FLRT1: variants seen among roughly 807,000 people sequenced by gnomAD.
The protein encoded by FLRT1 is leucine-rich repeat transmembrane protein FLRT1.
A neutral mutation model predicts 30.9 loss-of-function variants in FLRT1; 14 were observed. The observed-to-expected ratio is 0.45, with a 90% confidence interval of 0.30 to 0.71. The LOEUF is 0.71. FLRT1 is among the 30% of genes least tolerant of loss of function. The probability of loss-of-function intolerance (pLI) is 0.08; values close to 1 mark genes in which losing one functional copy is unlikely to be tolerated. For missense variants in FLRT1, 737 were observed against 949.2 expected, an observed-to-expected ratio of 0.78 and a Z score of 2.94; for synonymous variants, 368 against 430.4, an observed-to-expected ratio of 0.85 and a Z score of 1.80.
rs539777849 is a variant in FLRT1, at chr11:64,118,945, T to C, written c.*653T>C. The C allele has an allele frequency of 6.0e-6, 1 of 166,806 alleles. No individual in the cohort carries two copies. The highest frequency in any genetic ancestry group is 6.6e-5 in the Admixed American group (1 of 15,262). The allele number at this position is 166,806 out of a possible 1,614,324, so 10.3% of individuals were successfully genotyped here. On this transcript the variant is annotated 3_prime_UTR_variant, in exon 3 of 3. Transcript: ENST00000682287. ...AGTCGATTAAAAAAAAAAAACAAAC[T>C]TTTTTTTCCTAGGCTGAAGCCCTCT... is the stretch of plus-strand genomic sequence containing the variant.
chr11:64,114,668 T>C (rs537836973), intron 2 of FLRT1, among the ~76,000 whole-genome samples: 5 of 151,450 alleles, frequency 3.3e-5, no homozygotes, highest in Admixed American at 1.3e-4. Context: ...GACAGGTGGA[T>C]AGATGGATGG....
At chr11:64,074,609 T>C (rs544109465) in intron 1 of FLRT1, among the ~76,000 whole-genome samples, 2 of 152,276 alleles carry the variant, frequency 1.3e-5, no homozygotes, top group African/African-American at 4.8e-5. Context: ...CCTTCTCCCA[T>C]TGCTGAACTG....
At position 64,095,420 on chromosome 11, in the gene FLRT1, G is replaced by T. The variant is rs963130270; in HGVS notation, c.-1037-7774G>T. Among the ~76,000 whole-genome samples, 13 of 152,306 alleles carry T rather than the reference G, an allele frequency of 8.5e-5. No homozygotes were observed. The East Asian group carries it at 2.5e-3, about 29-fold the overall frequency. ...TCTCGGCCAGAGAGAGCATGTTTAT[G>T]GGAAGGAGGGAAAGGGTGGGAGATT... On this transcript the variant is annotated intron_variant, in intron 1 of 2. Transcript: ENST00000682287.
At position 64,063,757 on chromosome 11, in the gene FLRT1, C is replaced by T. The variant is rs188752062; in HGVS notation, c.-1038+27598C>T. 3.3e-5 allele frequency among the ~76,000 whole-genome samples: 5 copies of T among 152,296 alleles called. 1 individual carries two copies. The highest frequency in any genetic ancestry group is 3.9e-4 in the East Asian group (2 of 5,176). ...CATGGGCAGCCACGCGGTCCTCGCC[C>T]GGCTGTCAGCCAGCAATCATGCCTA... On this transcript the variant is annotated intron_variant, in intron 1 of 2. Transcript: ENST00000682287.
chr11:64,118,101 C>G lies in FLRT1; in HGVS notation c.1834C>G (p.Leu612Val), dbSNP rs766264961. The part of the protein sequence containing the change: ...ESGTKKDNSI[L>V]EIRGPGLQML... ...AGGGACCAAGAAGGATAACTCCATCCTGGAAATCCGCGGCCCTGGGCTGCA... is the reference window on the plus strand; with the variant it reads ...AGGGACCAAGAAGGATAACTCCATCGTGGAAATCCGCGGCCCTGGGCTGCA... The change falls in exon 3 of 3, where the codon CTG (leucine) becomes GTG (valine). Residue 612 changes from leucine (L) to valine (V), a missense_variant. Coordinates refer to ENST00000682287, the MANE Select transcript of FLRT1 (RefSeq NM_013280.5). The G allele has an allele frequency of 6.2e-7, 1 of 1,611,514 alleles. No individual in the cohort carries two copies. Among genetic ancestry groups the G allele is most frequent in the African/African-American group, 1.3e-5 (1 of 75,032 alleles).
chr11:64,069,889 G>T (rs1367936448), intron 1 of FLRT1, among the ~76,000 whole-genome samples: 1 of 152,144 alleles, frequency 6.6e-6, no homozygotes, highest in Non-Finnish European at 1.5e-5. Flanking sequence ...GATTTATCTT[G>T]GGCGCCCCTC....
At chr11:64,099,220 C>T (rs1944629267) in intron 1 of FLRT1, among the ~76,000 whole-genome samples, 1 of 152,264 alleles carries the variant, frequency 6.6e-6, no homozygotes, top group Non-Finnish European at 1.5e-5. Flanking sequence ...CCTCCATGAT[C>T]CACCCCACTC....
intron 1 of FLRT1, among the ~76,000 whole-genome samples, chr11:64,066,981 G>C (rs1944017041): frequency 6.6e-6 from 1 of 152,208 alleles, no homozygotes. Context: ...AGCCCAGCTG[G>C]CATCCCAAGC....
chr11:64,079,177 G>A (rs1226612511), intron 1 of FLRT1, among the ~76,000 whole-genome samples: 4 of 152,152 alleles, frequency 2.6e-5, no homozygotes, highest in African/African-American at 7.2e-5. Context: ...ACTTGCTGAC[G>A]ACTGTGTGTG....
intron 1 of FLRT1, among the ~76,000 whole-genome samples, chr11:64,083,627 G>A (rs894361616): frequency 2.0e-5 from 3 of 152,236 alleles, no homozygotes; most frequent in Non-Finnish European, 4.4e-5. Flanking sequence ...AAGCATGTAA[G>A]TGAGTAATGA....
In FLRT1 at chr11:64,050,764, G is replaced by A. The variant is rs555228887; in HGVS notation, c.-1038+14605G>A. 8.1e-4 allele frequency among the ~76,000 whole-genome samples: 124 copies of A among 152,314 alleles called. 3 individuals carry two copies. Among genetic ancestry groups the A allele is most frequent in the Admixed American group, 3.7e-3 (56 of 15,308 alleles). On this transcript the variant is annotated intron_variant, in intron 1 of 2. Transcript: ENST00000682287. ...CTCCTGAGTAGCTGGGATTACAGGCGCATGCCATAATACCCCGCTAATTTT... is the reference window on the plus strand; with the variant it reads ...CTCCTGAGTAGCTGGGATTACAGGCACATGCCATAATACCCCGCTAATTTT...
rs921664497 is a variant in FLRT1, at chr11:64,096,725, C to T, written c.-1037-6469C>T. Reference sequence around the variant, plus strand: ...AGCCACCGCACCCTACCCTCTCCCCCTTTTGTGCCTAGAGTTGCTCTGTGA... The same window carrying T: ...AGCCACCGCACCCTACCCTCTCCCCTTTTTGTGCCTAGAGTTGCTCTGTGA... On this transcript the variant is annotated intron_variant, in intron 1 of 2. Coordinates refer to ENST00000682287, the MANE Select transcript of FLRT1 (RefSeq NM_013280.5). The surrounding 1 kb of genome is among the most constrained non-coding windows in gnomAD (Gnocchi z 4.6). Among the ~76,000 whole-genome samples the T allele has an allele frequency of 6.6e-6, 1 of 152,216 alleles. No individual in the cohort carries two copies. Among genetic ancestry groups the T allele is most frequent in the Non-Finnish European group, 1.5e-5 (1 of 68,026 alleles).
intron 1 of FLRT1, chr11:64,087,292 C>T (rs1218501687): frequency 6.6e-6 from 1 of 152,372 alleles, no homozygotes; most frequent in African/African-American, 2.4e-5. Flanking sequence ...TCAACCTGCT[C>T]CTGTCACTTC....
chr11:64,077,673 G>C (rs927170311), intron 1 of FLRT1, among the ~76,000 whole-genome samples: 1 of 152,152 alleles, frequency 6.6e-6, no homozygotes, highest in Non-Finnish European at 1.5e-5. Context: ...ACCCCCACCT[G>C]CCGTGCCCCC....
chr11:64,101,956 T>G (rs1476283624), intron 1 of FLRT1, among the ~76,000 whole-genome samples: 1 of 152,126 alleles, frequency 6.6e-6, no homozygotes, highest in Non-Finnish European at 1.5e-5. Flanking sequence ...CCAAATGCCT[T>G]CCCTGCCAGG....
At chr11:64,088,315 C>T (rs531440853) in intron 1 of FLRT1, among the ~76,000 whole-genome samples, 1 of 152,110 alleles carries the variant, frequency 6.6e-6, no homozygotes, top group Non-Finnish European at 1.5e-5. Flanking sequence ...GCTCGGTGGC[C>T]AGGCGGGGCC....
chr11:64,056,608 T>A (rs765942342), intron 1 of FLRT1, among the ~76,000 whole-genome samples: 1 of 152,176 alleles, frequency 6.6e-6, no homozygotes, highest in African/African-American at 2.4e-5. Flanking sequence ...TGAGTCCGGA[T>A]GGCAGCAGCC....
chr11:64,111,013 G>C (rs1377092110), intron 2 of FLRT1, among the ~76,000 whole-genome samples: 1 of 152,228 alleles, frequency 6.6e-6, no homozygotes, highest in Non-Finnish European at 1.5e-5. Context: ...AGACAGTGGA[G>C]CGGAAAGGCC....
At chr11:64,060,890 G>C (rs1943888074) in intron 1 of FLRT1, among the ~76,000 whole-genome samples, 1 of 152,094 alleles carries the variant, frequency 6.6e-6, no homozygotes, top group South Asian at 2.1e-4. Flanking sequence ...TGTCAGCCCC[G>C]CCCCCGAGGC....
Sources: gnomAD v4.1 joint callset for allele counts (sites outside exome capture counted in the v4.1 genomes callset) on GRCh38, gnomAD v4.1.1 for gene constraint, Gnocchi (gnomAD v3.1) non-coding constraint, MANE v1.5 for transcripts, NCBI Gene and HGNC (gene_info 2026-07-23, HGNC 2026-07-21) for gene names.